The following MSRA variants were observed in gnomAD, a reference collection of about 807,000 sequenced individuals.
The protein encoded by MSRA is mitochondrial peptide methionine sulfoxide reductase.
A neutral mutation model predicts 31.3 loss-of-function variants in MSRA; 54 were observed. That is an observed-to-expected ratio of 1.73 (90% CI 1.39 to 2.17). The LOEUF is 2.17. MSRA is among the 30% of genes most tolerant of loss of function. The pLI is 0.00. For missense variants in MSRA, 507 were observed against 300.9 expected, an observed-to-expected ratio of 1.69 and a Z score of -5.07; for synonymous variants, 169 against 116.5, an observed-to-expected ratio of 1.45 and a Z score of -2.90.
intron 1 of MSRA, among the ~76,000 whole-genome samples, chr8:10,093,362 T>G (rs1198508104): frequency 6.6e-6 from 1 of 152,174 alleles, no homozygotes; most frequent in Non-Finnish European, 1.5e-5. Context: ...TGCTTAGTGG[T>G]TGCCCTGGGG....
At chr8:10,350,385 C>T (rs868321958) in intron 5 of MSRA, among the ~76,000 whole-genome samples, 2 of 152,228 alleles carry the variant, frequency 1.3e-5, no homozygotes, top group African/African-American at 4.8e-5. Context: ...TGGACAGCGC[C>T]GGCCGGATGC....
At chr8:10,281,758 C>G (rs1250676344) in intron 3 of MSRA, among the ~76,000 whole-genome samples, 1 of 152,216 alleles carries the variant, frequency 6.6e-6, no homozygotes, top group East Asian at 1.9e-4. Flanking sequence ...TGACCCCACC[C>G]TGTCTGTGAA....
chr8:10,121,974 T>C (rs1298156299), intron 1 of MSRA, among the ~76,000 whole-genome samples: 1 of 152,034 alleles, frequency 6.6e-6, no homozygotes, highest in Non-Finnish European at 1.5e-5. Flanking sequence ...AGCCACTGTG[T>C]AAATGTTTTG....
At chr8:10,101,174 G>A (rs1181237253) in intron 1 of MSRA, among the ~76,000 whole-genome samples, 4 of 152,096 alleles carry the variant, frequency 2.6e-5, no homozygotes, top group Non-Finnish European at 4.4e-5. Flanking sequence ...TTGGTTGTGG[G>A]ACTTTGGCCA....
At chr8:10,083,816 A>G (rs983295314) in intron 1 of MSRA, among the ~76,000 whole-genome samples, 3 of 152,128 alleles carry the variant, frequency 2.0e-5, no homozygotes, top group Admixed American at 6.5e-5. Context: ...ACGATGTTTC[A>G]GACCTGTCAG....
intron 2 of MSRA, among the ~76,000 whole-genome samples, chr8:10,227,244 G>T (rs537120657): frequency 6.6e-6 from 1 of 152,270 alleles, no homozygotes; most frequent in Non-Finnish European, 1.5e-5. Context: ...CAGAGTGTTG[G>T]CAGGTTGTCA....
At chr8:10,320,684 C>T (rs532080010) in intron 5 of MSRA, among the ~76,000 whole-genome samples, 2 of 152,258 alleles carry the variant, frequency 1.3e-5, no homozygotes, top group South Asian at 4.1e-4. Context: ...TATTTATTTT[C>T]TCACAATTCT....
At chr8:10,087,832 T>C (rs1798647215) in intron 1 of MSRA, among the ~76,000 whole-genome samples, 1 of 152,240 alleles carries the variant, frequency 6.6e-6, no homozygotes, top group South Asian at 2.1e-4. Flanking sequence ...TTAAATTTAT[T>C]TTAATTTTCA....
chr8:10,198,493 GT>G (rs1266282068), intron 1 of MSRA, among the ~76,000 whole-genome samples: 1 of 152,114 alleles, frequency 6.6e-6, no homozygotes, highest in African/African-American at 2.4e-5. Context: ...CTTATTTACA[GT>G]TTTTCTGTAT....
At chr8:10,101,556 G>C (rs938547886) in intron 1 of MSRA, among the ~76,000 whole-genome samples, 1 of 152,118 alleles carries the variant, frequency 6.6e-6, no homozygotes, top group African/African-American at 2.4e-5. Context: ...CCCCGCAACA[G>C]AATCGTGGCA....
intron 1 of MSRA, among the ~76,000 whole-genome samples, chr8:10,074,938 T>C (rs546916464): frequency 1.6e-3 from 240 of 149,710 alleles, no homozygotes; most frequent in African/African-American, 5.4e-3. Context: ...GGATTACAGG[T>C]GTGAGCCACC....
chr8:10,299,097 A>G (rs1800702556), intron 3 of MSRA, among the ~76,000 whole-genome samples: 1 of 152,176 alleles, frequency 6.6e-6, no homozygotes, highest in Non-Finnish European at 1.5e-5. Context: ...AAGAGATAAT[A>G]TGTTAGTGTT....
At position 10,333,832 on chromosome 8, in the gene MSRA, C is replaced by G. The variant is rs190360050; in HGVS notation, c.543+13843C>G. ...CCACCCCCCCCACGCTGAGTGGGAC[C>G]TTCCCTTGCTTTGCATCTGTGGCAA... On this transcript the variant is annotated intron_variant, in intron 5 of 5. Transcript: ENST00000317173. Among the ~76,000 whole-genome samples the G allele has an allele frequency of 1.5e-3, 233 of 152,218 alleles. 1 individual carries two copies. The highest frequency in any genetic ancestry group is 4.3e-3 in the Admixed American group (65 of 15,290).
chr8:10,345,845 TGCATTCCAAATGGAG>T (rs1803737881), intron 5 of MSRA, among the ~76,000 whole-genome samples: 1 of 152,234 alleles, frequency 6.6e-6, no homozygotes, highest in South Asian at 2.1e-4. Flanking sequence ...AGGAGCAGCC[TGCATTCCAAATGGAG>T]GCATTTCAGC....
chr8:10,155,002 T>TTATATATATATATATATATATATATA (rs528753270), intron 1 of MSRA, among the ~76,000 whole-genome samples: 1,448 of 123,710 alleles, frequency 0.012, 30 homozygotes, highest in Non-Finnish European at 0.017. Context: ...TGTATATATT[T>TTATATATATATATATATATATATATA]TATATATATA....
intron 3 of MSRA, among the ~76,000 whole-genome samples, chr8:10,252,048 G>A (rs986868888): frequency 5.9e-5 from 9 of 152,290 alleles, no homozygotes; most frequent in African/African-American, 2.2e-4. Flanking sequence ...GCTTGGAGAG[G>A]CCATTCACAG....
intron 2 of MSRA, among the ~76,000 whole-genome samples, chr8:10,213,140 C>A (rs1331147837): frequency 6.6e-6 from 1 of 152,084 alleles, no homozygotes; most frequent in African/African-American, 2.4e-5. Flanking sequence ...TTCATTCTTT[C>A]TCACTATTAT....
At chr8:10,142,982 T>C (rs1451790066) in intron 1 of MSRA, among the ~76,000 whole-genome samples, 3 of 152,174 alleles carry the variant, frequency 2.0e-5, no homozygotes, top group Non-Finnish European at 4.4e-5. Flanking sequence ...CCTGATCCTT[T>C]ATTTTGCTCC....
chr8:10,417,147 A>C (rs991449344), intron 5 of MSRA, among the ~76,000 whole-genome samples: 1 of 152,122 alleles, frequency 6.6e-6, no homozygotes, highest in Non-Finnish European at 1.5e-5. Context: ...AGTTAGATCT[A>C]ATTGTGTCAC....
Sources: allele counts gnomAD v4.1 joint callset (sites outside exome capture counted in the v4.1 genomes callset), GRCh38; gene constraint gnomAD v4.1.1; transcripts MANE v1.5; gene names NCBI Gene and HGNC (gene_info 2026-07-23, HGNC 2026-07-21).